MIPEP: variants seen among roughly 807,000 people sequenced by gnomAD.
The protein encoded by MIPEP is mitochondrial intermediate peptidase.
MIPEP carries 79 observed loss-of-function variants against 90.3 expected under a neutral mutation model. The ratio of observed to expected loss-of-function variants is 0.87; its 90% CI spans 0.73 to 1.05. The LOEUF (loss-of-function observed/expected upper bound fraction) is 1.05. MIPEP is among the 50% of genes least tolerant of loss of function. MIPEP has a pLI of 0.00. For missense variants in MIPEP, 940 were observed against 905.6 expected, an observed-to-expected ratio of 1.04 and a Z score of -0.49; for synonymous variants, 334 against 315.8, an observed-to-expected ratio of 1.06 and a Z score of -0.61.
At chr13:23,840,420 C>T (rs889646656) in intron 11 of MIPEP, among the ~76,000 whole-genome samples, 10 of 152,154 alleles carry the variant, frequency 6.6e-5, no homozygotes, top group African/African-American at 2.2e-4. Flanking sequence ...AGTGCTGGAC[C>T]CCGGTGGAGT....
intron 11 of MIPEP, among the ~76,000 whole-genome samples, chr13:23,840,670 T>G (rs1352627352): frequency 7.2e-5 from 11 of 152,116 alleles, no homozygotes. Flanking sequence ...CGAGAGACAA[T>G]GAGACTGTTT....
intron 13 of MIPEP, among the ~76,000 whole-genome samples, chr13:23,836,682 T>C (rs1325316912): frequency 1.3e-5 from 2 of 152,244 alleles, no homozygotes; most frequent in Admixed American, 6.5e-5. Context: ...AATATTAATA[T>C]AGCGTTTGTA....
rs551754174 is a variant in MIPEP, at chr13:23,796,357, C to T, written c.1848+9593G>A. Among the ~76,000 whole-genome samples the T allele has an allele frequency of 2.0e-5, 3 of 152,196 alleles. No homozygotes were observed. The South Asian group carries it at 6.2e-4, about 32-fold the overall frequency. Reference sequence around the variant, plus strand: ...GCTTGAACCGGGGAGGCAGAGGTTGCAGTAAGCTGGCATCGTTCCACTGCA... The same window carrying T: ...GCTTGAACCGGGGAGGCAGAGGTTGTAGTAAGCTGGCATCGTTCCACTGCA... On this transcript the variant is annotated intron_variant, in intron 16 of 18. Transcript: ENST00000382172.
intron 16 of MIPEP, among the ~76,000 whole-genome samples, chr13:23,783,098 T>C (rs2137364310): frequency 6.6e-6 from 1 of 152,230 alleles, no homozygotes; most frequent in Non-Finnish European, 1.5e-5. Context: ...CCTCCCTAAC[T>C]CATTTTATGA....
chr13:23,804,900 C>T (rs919450579), intron 16 of MIPEP, among the ~76,000 whole-genome samples: 3 of 152,098 alleles, frequency 2.0e-5, no homozygotes, highest in Non-Finnish European at 4.4e-5. Context: ...TCTGTTAGAC[C>T]AACTAGGCTA....
intron 7 of MIPEP, among the ~76,000 whole-genome samples, chr13:23,866,265 G>A (rs1334201625): frequency 2.6e-5 from 4 of 151,988 alleles, no homozygotes; most frequent in Non-Finnish European, 4.4e-5. Flanking sequence ...CACCGAAAAC[G>A]TGCCAACCTC....
rs571722114 is a variant in MIPEP at position 23,770,332 on chromosome 13, C to G, written c.1849-10115G>C. On this transcript the variant is annotated intron_variant, in intron 16 of 18. Coordinates refer to ENST00000382172, the MANE Select transcript of MIPEP (RefSeq NM_005932.4). ...TCTCCTCTCTGCCTCAGATACTCTT[C>G]CCCCAGGTCGATCCATATGGCTCAT... Among the ~76,000 whole-genome samples the G allele has an allele frequency of 1.8e-4, 28 of 152,266 alleles. No homozygotes were observed. The South Asian group carries it at 5.0e-3, about 27-fold the overall frequency.
At chr13:23,888,959 G>A in intron 1 of MIPEP, 173 bp downstream of exon 1, 1 of 615,066 alleles carries the variant, frequency 1.6e-6, no homozygotes, top group Non-Finnish European at 2.4e-6. Flanking sequence ...GCCCCTCAAA[G>A]CAGAGGTGAC....
At chr13:23,802,951 G>A (rs1003350497) in intron 16 of MIPEP, among the ~76,000 whole-genome samples, 6 of 152,290 alleles carry the variant, frequency 3.9e-5, no homozygotes, top group South Asian at 4.2e-4. Context: ...CAGTGTAGGG[G>A]TATTAAATGT....
intron 7 of MIPEP, among the ~76,000 whole-genome samples, chr13:23,865,988 C>T (rs1387321092): frequency 2.0e-5 from 3 of 152,000 alleles, no homozygotes; most frequent in Non-Finnish European, 4.4e-5. Context: ...ATTAGTGTCC[C>T]CAGAGAATTG....
At chr13:23,801,432 C>A (rs1344909760) in intron 16 of MIPEP, among the ~76,000 whole-genome samples, 1 of 152,168 alleles carries the variant, frequency 6.6e-6, no homozygotes, top group African/African-American at 2.4e-5. Context: ...TACCTTGTAG[C>A]CCAGATCACC....
chr13:23,828,843 A>G (rs1421464563), intron 14 of MIPEP, among the ~76,000 whole-genome samples: 1 of 152,228 alleles, frequency 6.6e-6, no homozygotes, highest in Non-Finnish European at 1.5e-5. Flanking sequence ...CAAAGGTCCA[A>G]GAGTAGACAA....
chr13:23,738,973 G>A (rs1442158617), intron 18 of MIPEP, among the ~76,000 whole-genome samples: 1 of 152,124 alleles, frequency 6.6e-6, no homozygotes. Flanking sequence ...ATGGACCTGC[G>A]GAAACCTGTT....
At chr13:23,834,520 G>T (rs1327485160) in intron 14 of MIPEP, among the ~76,000 whole-genome samples, 1 of 152,212 alleles carries the variant, frequency 6.6e-6, no homozygotes, top group African/African-American at 2.4e-5. Context: ...ATTCTTGGCT[G>T]TTTCTTGGAT....
chr13:23,781,682 C>A (rs1036151674), intron 16 of MIPEP, among the ~76,000 whole-genome samples: 3 of 152,046 alleles, frequency 2.0e-5, no homozygotes, highest in African/African-American at 4.8e-5. Context: ...GAGTCAAGAC[C>A]CATCAGTGTG....
chr13:23,773,032 G>A (rs1952670657), intron 16 of MIPEP, among the ~76,000 whole-genome samples: 1 of 151,996 alleles, frequency 6.6e-6, no homozygotes, highest in South Asian at 2.1e-4. Context: ...ACACTTTAAT[G>A]GTTTTCAGTA....
chr13:23,825,367 A>G (rs867618939), intron 14 of MIPEP, among the ~76,000 whole-genome samples: 4 of 152,246 alleles, frequency 2.6e-5, no homozygotes, highest in Non-Finnish European at 5.9e-5. Flanking sequence ...GAGAAGATTT[A>G]TTACAAGTAT....
At chr13:23,732,199 G>A (rs1210878269) in intron 18 of MIPEP, among the ~76,000 whole-genome samples, 1 of 151,902 alleles carries the variant, frequency 6.6e-6, no homozygotes, top group Non-Finnish European at 1.5e-5. Flanking sequence ...ATGTTGCCCA[G>A]GCTGGTCTTG....
Position 23,837,627 on chromosome 13 carries a change from T to C in MIPEP, c.1468A>G (p.Met490Val). The change falls in exon 13 of 19, where the codon ATG becomes GTG. Residue 490 changes from methionine to valine, a missense_variant. Coordinates refer to ENST00000382172, the MANE Select transcript of MIPEP (RefSeq NM_005932.4). ...CCCATTTCATGGAAAAGATTTTCCA[T>C]CATGCTAGGAGTTAGCAAAGTTGGA... is the stretch of plus-strand genomic sequence containing the variant. ...SSPTLLTPSM[M>V]ENLFHEMGHA... is the part of the protein sequence containing the mutation. 1 of 1,614,106 alleles carries C rather than the reference T, an allele frequency of 6.2e-7. No homozygotes were observed.
Sources: gnomAD v4.1 joint callset for allele counts (sites outside exome capture counted in the v4.1 genomes callset) on GRCh38, gnomAD v4.1.1 for gene constraint, MANE v1.5 for transcripts, NCBI Gene and HGNC (gene_info 2026-07-23, HGNC 2026-07-21) for gene names.